CC2D2A: variants seen among roughly 807,000 people sequenced by gnomAD.
CC2D2A encodes the protein coiled-coil and C2 domain-containing protein 2A.
In CC2D2A, 155 loss-of-function variants were observed where a neutral mutation model predicts 212.9. The ratio of observed to expected loss-of-function variants is 0.73; its 90% CI spans 0.64 to 0.83. CC2D2A has a LOEUF of 0.83. Among genes scored for constraint, CC2D2A ranks in the 40% least tolerant of loss-of-function variants. CC2D2A has a pLI of 0.00. For synonymous variants in CC2D2A, 667 were observed against 686.5 expected (o/e 0.97, Z 0.44); for missense variants, 1,856 against 1,956.2 (o/e 0.95, Z 0.97).
chr4:15,512,154 C>T (rs1716602933), intron 8 of CC2D2A, among the ~76,000 whole-genome samples: 1 of 152,162 alleles, frequency 6.6e-6, no homozygotes, highest in South Asian at 2.1e-4. Flanking sequence ...GTATGGTGGT[C>T]CTTCAAAAGT....
chr4:15,584,711 A>T (rs1272276552), intron 30 of CC2D2A, among the ~76,000 whole-genome samples: 1 of 152,226 alleles, frequency 6.6e-6, no homozygotes, highest in African/African-American at 2.4e-5. Flanking sequence ...TCAAGAGACA[A>T]CCTACACAGA....
At chr4:15,536,402 A>G (rs990522574) in intron 14 of CC2D2A, among the ~76,000 whole-genome samples, 88 of 152,324 alleles carry the variant, frequency 5.8e-4, no homozygotes, top group Non-Finnish European at 1.9e-4. Context: ...GCACATGTAT[A>G]CCTATGTATC....
rs1451842906 is a variant in CC2D2A at position 15,559,157 on chromosome 4, A to T, written c.2830-8A>T. 6.6e-7 allele frequency: 1 copy of T among 1,519,608 alleles called. No homozygotes were observed. Among genetic ancestry groups the T allele is most frequent in the Non-Finnish European group, 8.9e-7 (1 of 1,124,764 alleles). 94.1% of individuals were successfully genotyped at this position (1,519,608 alleles called of 1,614,324 possible). On this transcript the variant is annotated splice_region_variant and splice_polypyrimidine_tract_variant and intron_variant, in intron 21 of 36. Coordinates refer to ENST00000424120, the MANE Select transcript of CC2D2A (RefSeq NM_001378615.1). Reference sequence around the variant, plus strand: ...TGCTTTAAAATCATTGCCTCTTTTTAATTTTAGGACTATGAGAAACGGTTA... The same window carrying T: ...TGCTTTAAAATCATTGCCTCTTTTTTATTTTAGGACTATGAGAAACGGTTA...
chr4:15,539,365 G>C (rs1352687820), intron 16 of CC2D2A, among the ~76,000 whole-genome samples: 1 of 152,082 alleles, frequency 6.6e-6, no homozygotes, highest in Non-Finnish European at 1.5e-5. Flanking sequence ...CCAGTAAATA[G>C]AAGATCTATC....
chr4:15,495,032 A>G (rs1413048897), intron 4 of CC2D2A, among the ~76,000 whole-genome samples: 2 of 152,214 alleles, frequency 1.3e-5, no homozygotes, highest in Admixed American at 1.3e-4. Context: ...GGTAATCAGC[A>G]TAATACCCAA....
At chr4:15,549,655 T>A (rs1248447960) in intron 17 of CC2D2A, among the ~76,000 whole-genome samples, 3 of 152,042 alleles carry the variant, frequency 2.0e-5, no homozygotes, top group African/African-American at 7.2e-5. Flanking sequence ...ATACAAACAT[T>A]AGCCAGGCGT....
chr4:15,546,636 G>A (rs568072218), intron 17 of CC2D2A, among the ~76,000 whole-genome samples: 81 of 152,346 alleles, frequency 5.3e-4, no homozygotes, highest in Non-Finnish European at 9.0e-4. Context: ...TGTGGTTGCT[G>A]TTGGTTCTTT....
At chr4:15,495,194 C>T (rs1250583308) in intron 4 of CC2D2A, among the ~76,000 whole-genome samples, 1 of 152,170 alleles carries the variant, frequency 6.6e-6, no homozygotes, top group Non-Finnish European at 1.5e-5. Flanking sequence ...CTGCAGCCTC[C>T]ACCTCCTGGG....
At chr4:15,470,687 CTCTATATATATATATATATATATATA>C (rs1281718961) in intron 1 of CC2D2A, among the ~76,000 whole-genome samples, 80 of 32,396 alleles carry the variant, frequency 2.5e-3, no homozygotes, top group Non-Finnish European at 3.3e-3. Flanking sequence ...CTCTCTCTCT[CTCTATATATATATATATATATATATA>C]TATATATATA....
rs761057498 is a variant in CC2D2A, at chr4:15,553,268, A to G, written c.2449A>G (p.Ile817Val). The G allele has an allele frequency of 2.5e-6, 4 of 1,613,348 alleles. No homozygotes were observed. The South Asian group carries it at 4.4e-5, about 18-fold the overall frequency. ...CATTGGAGAAAACGGGATACCTTTA[A>G]TTCCTCCATTGTCACAGCAGAACAT... is the stretch of plus-strand genomic sequence containing the variant. ...WAIGENGIPL[I>V]PPLSQQNIGF... is the part of the protein sequence containing the mutation. The change falls in exon 19 of 37, where the codon ATT (isoleucine) becomes GTT (valine). Residue 817 changes from isoleucine to valine, a missense_variant. Around this residue, in one of 5 missense-constraint regions of CC2D2A, gnomAD observed 1,512 missense variants for 1,579.3 expected, o/e 0.96. Coordinates refer to ENST00000424120, the MANE Select transcript of CC2D2A (RefSeq NM_001378615.1).
At position 15,502,503 on chromosome 4, in the gene CC2D2A, T is replaced by C. The variant is rs1172857572; in HGVS notation, c.322T>C (p.Leu108=). 1.2e-6 allele frequency: 2 copies of C among 1,604,426 alleles called. No homozygotes were observed. Among genetic ancestry groups the C allele is most frequent in the African/African-American group, 1.3e-5 (1 of 74,368 alleles). ...CATGAGGGGACGCATGAGGGAGAAA[T>C]TGCAAGCAGCGAGGGTGAGAGAAAC... is the stretch of plus-strand genomic sequence containing the variant. ...FSMRGRMREK[L]QAARSKAESA... is the part of the protein sequence containing the mutation. Residue 108 remains leucine (L), a synonymous_variant, in exon 5 of 37, where the codon TTG becomes CTG. Coordinates refer to ENST00000424120, the MANE Select transcript of CC2D2A (RefSeq NM_001378615.1).
intron 11 of CC2D2A, among the ~76,000 whole-genome samples, chr4:15,525,074 C>G (rs1371431633): frequency 6.6e-6 from 1 of 152,182 alleles, no homozygotes; most frequent in Non-Finnish European, 1.5e-5. Flanking sequence ...TGTCCTGAAA[C>G]ACTTTTACAC....
chr4:15,511,465 T>C (rs951683533), intron 8 of CC2D2A, 42 bp downstream of exon 8: 1 of 1,450,928 alleles, frequency 6.9e-7, no homozygotes, highest in African/African-American at 1.5e-5. Flanking sequence ...GGTGGAGGGC[T>C]AGGAGGAAAA....
chr4:15,527,281 A>G (rs940470511), intron 11 of CC2D2A, among the ~76,000 whole-genome samples, 166 bp from the exon 12 acceptor site: 3 of 152,234 alleles, frequency 2.0e-5, no homozygotes, highest in Admixed American at 2.0e-4. Flanking sequence ...TATTCAAAAA[A>G]GAGCTGGCCT....
chr4:15,524,741 G>A (rs755837437), intron 11 of CC2D2A, among the ~76,000 whole-genome samples: 6 of 152,168 alleles, frequency 3.9e-5, no homozygotes, highest in East Asian at 1.9e-4. Context: ...GTGAGCCACC[G>A]CACCCGGCTT....
At chr4:15,545,710 AATGGGAAG>A (rs141042657) in intron 17 of CC2D2A, among the ~76,000 whole-genome samples, 61,112 of 151,282 alleles carry the variant, frequency 0.4, 12,490 homozygotes, top group East Asian at 0.48. Context: ...TGGCAGTAGA[AATGGGAAG>A]ATGGGAAGAA....
intron 13 of CC2D2A, among the ~76,000 whole-genome samples, chr4:15,529,381 CAAA>C (rs200728529): frequency 5.7e-5 from 7 of 122,410 alleles, no homozygotes; most frequent in African/African-American, 6.0e-5. Flanking sequence ...GACCTTGACT[CAAA>C]AAAAAAAAAA....
In CC2D2A at chr4:15,475,970, A is replaced by C. The variant is rs986775771; in HGVS notation, c.38A>C (p.Glu13Ala). 1 of 1,589,536 alleles carries C rather than the reference A, an allele frequency of 6.3e-7. No homozygotes were observed. The highest frequency in any genetic ancestry group is 1.3e-5 in the African/African-American group (1 of 74,462). Residue 13 changes from glutamate (E) to alanine (A), a missense_variant and splice_region_variant, in exon 2 of 37, where the codon GAG becomes GCG. This residue lies in a region of CC2D2A where 1,512 missense variants were observed against 1,579.3 expected (regional missense o/e 0.96). Transcript: ENST00000424120. ...GAAGAAAAAGTAAAAATAATTACAG[A>C]GGTAAGTGGCCACTTTGATGTCCTC... ...PREEKVKIIT[E>A]EFIENDEDAD...
intron 30 of CC2D2A, among the ~76,000 whole-genome samples, chr4:15,581,113 T>G (rs201001265): frequency 6.6e-6 from 1 of 152,210 alleles, no homozygotes; most frequent in Non-Finnish European, 1.5e-5. Flanking sequence ...TAGGAAGTTA[T>G]TGCTACTAAT....
Sources: allele counts gnomAD v4.1 joint callset (sites outside exome capture counted in the v4.1 genomes callset), GRCh38; gene constraint gnomAD v4.1.1; regional missense constraint gnomAD v4.1.1; transcripts MANE v1.5; gene names NCBI Gene and HGNC (gene_info 2026-07-23, HGNC 2026-07-21).